The following ARHGAP6 variants were observed in gnomAD, a reference collection of about 807,000 sequenced individuals.
The protein encoded by ARHGAP6 is rho GTPase-activating protein 6.
Under a neutral mutation model 55.7 loss-of-function variants are expected in ARHGAP6, and 16 were observed. That is an observed-to-expected ratio of 0.29 (90% CI 0.19 to 0.44). The LOEUF (loss-of-function observed/expected upper bound fraction) is 0.44, where lower values mean the gene tolerates loss of function less well. ARHGAP6 is among the 20% of genes least tolerant of loss of function. The pLI, the probability that ARHGAP6 is intolerant of heterozygous loss-of-function variation, is 1.00. For synonymous variants in ARHGAP6, 382 were observed against 360.9 expected (o/e 1.06, Z -0.66); for missense variants, 698 against 808.9 (o/e 0.86, Z 1.66).
chrX:11,622,124 C>T (rs1342686429), intron 1 of ARHGAP6, among the ~76,000 whole-genome samples: 1 of 111,869 alleles, frequency 8.9e-6, no homozygotes, highest in Non-Finnish European at 1.9e-5. Context: ...ATTAAAAGAA[C>T]TATGAAAGGA....
intron 1 of ARHGAP6, among the ~76,000 whole-genome samples, chrX:11,520,416 G>C (rs1317852192): frequency 9.4e-6 from 1 of 106,256 alleles, no homozygotes; most frequent in African/African-American, 3.4e-5. Flanking sequence ...GCAGTGTTTG[G>C]TTTTTTGTCC....
Position 11,210,745 on chromosome X carries a change from C to T in ARHGAP6, c.749-13749G>A, listed in dbSNP as rs1322582459. Among the ~76,000 whole-genome samples, 4 of 112,302 alleles carry T rather than the reference C, an allele frequency of 3.6e-5. No individual in the cohort carries two copies. The East Asian group carries it at 1.1e-3, about 31-fold the overall frequency. On this transcript the variant is annotated intron_variant, in intron 2 of 12. Coordinates refer to ENST00000337414, the MANE Select transcript of ARHGAP6 (RefSeq NM_013427.3). ...AGTTATTGCGGAGTTTATGTTCCTCCAGCTTTTAAATATCATTACAAACAA... is the reference window on the plus strand; with the variant it reads ...AGTTATTGCGGAGTTTATGTTCCTCTAGCTTTTAAATATCATTACAAACAA...
chrX:11,573,574 T>C (rs1300005703), intron 1 of ARHGAP6, among the ~76,000 whole-genome samples: 1 of 110,482 alleles, frequency 9.1e-6, no homozygotes, highest in Non-Finnish European at 1.9e-5. Flanking sequence ...TACCATGCTG[T>C]TTTGGTTACT....
intron 1 of ARHGAP6, among the ~76,000 whole-genome samples, chrX:11,390,313 T>C (rs761865054): frequency 8.9e-6 from 1 of 111,822 alleles, no homozygotes; most frequent in South Asian, 3.8e-4. Context: ...AGTACCATGC[T>C]GTTTTGGTTA....
chrX:11,502,657 C>T (rs2050690830), intron 1 of ARHGAP6, among the ~76,000 whole-genome samples: 1 of 111,703 alleles, frequency 9.0e-6, no homozygotes, highest in Non-Finnish European at 1.9e-5. Flanking sequence ...GGATGATAAC[C>T]TTTATGATGA....
intron 1 of ARHGAP6, among the ~76,000 whole-genome samples, chrX:11,638,827 G>A (rs2052444075): frequency 8.9e-6 from 1 of 112,014 alleles, no homozygotes; most frequent in South Asian, 3.6e-4. Flanking sequence ...TTAAATAAGT[G>A]TATTCACTAG....
At chrX:11,544,055 T>C (rs1025157988) in intron 1 of ARHGAP6, among the ~76,000 whole-genome samples, 1 of 112,279 alleles carries the variant, frequency 8.9e-6, no homozygotes, top group African/African-American at 3.2e-5. Flanking sequence ...TTAGAAGGTA[T>C]CTTCACTCTT....
At chrX:11,462,243 T>G (rs2050252231) in intron 1 of ARHGAP6, among the ~76,000 whole-genome samples, 1 of 111,554 alleles carries the variant, frequency 9.0e-6, no homozygotes, top group Non-Finnish European at 1.9e-5. Context: ...CACATCTAAT[T>G]CTCTTTGAGA....
chrX:11,300,606 G>A (rs764911951), intron 1 of ARHGAP6: 1 of 1,194,322 alleles, frequency 8.4e-7, no homozygotes, highest in Admixed American at 2.2e-5. Flanking sequence ...ATTTTTTTCA[G>A]GATTAAAAGA....
At chrX:11,185,142 C>CTGTGTGTGTGTGTG (rs3990773) in intron 5 of ARHGAP6, among the ~76,000 whole-genome samples, 25 of 95,966 alleles carry the variant, frequency 2.6e-4, no homozygotes, top group African/African-American at 9.4e-4. Context: ...TGGTGCATGA[C>CTGTGTGTGTGTGTG]TGTGTGTGTG....
At chrX:11,413,823 C>G (rs1179943920) in intron 1 of ARHGAP6, among the ~76,000 whole-genome samples, 1 of 112,030 alleles carries the variant, frequency 8.9e-6, no homozygotes, top group Non-Finnish European at 1.9e-5. Context: ...AAAGCATTTT[C>G]CAGTGATGTA....
chrX:11,156,761 C>G (rs62590005), intron 9 of ARHGAP6, 135 bp from the exon 10 acceptor site: 33 of 482,086 alleles, frequency 6.8e-5, no homozygotes, highest in Non-Finnish European at 9.5e-5. Flanking sequence ...CTGGTTAAAA[C>G]CAAACCTACG....
intron 1 of ARHGAP6, among the ~76,000 whole-genome samples, chrX:11,329,424 C>T (rs2048535972): frequency 8.9e-6 from 1 of 112,230 alleles, no homozygotes; most frequent in East Asian, 2.8e-4. Flanking sequence ...CCATTCTTTC[C>T]CTCACCTGCC....
intron 1 of ARHGAP6, among the ~76,000 whole-genome samples, chrX:11,257,767 T>C (rs1480145140): frequency 9.0e-6 from 1 of 111,719 alleles, no homozygotes; most frequent in Admixed American, 9.5e-5. Flanking sequence ...ATTGTGGTAC[T>C]AGAAGTAAGT....
intron 1 of ARHGAP6, among the ~76,000 whole-genome samples, chrX:11,460,100 G>A (rs2050230016): frequency 9.0e-6 from 1 of 111,029 alleles, no homozygotes. Context: ...TACCTTCTGT[G>A]GCAAAGGTGA....
In ARHGAP6 at chrX:11,254,598, T is replaced by C. The variant is rs1420550321; in HGVS notation, c.698A>G (p.Tyr233Cys). The change falls in exon 2 of 13, where the codon TAT (tyrosine) becomes TGT (cysteine). Residue 233 changes from tyrosine (Y) to cysteine (C), a missense_variant. Tyr to Cys is a radical substitution (Grantham distance 194). Around this residue, in one of 3 missense-constraint regions of ARHGAP6, gnomAD observed 322 missense variants for 451.1 expected, o/e 0.71. Transcript: ENST00000337414. ...ERARLQEVAF[Y>C]QLQQDCDLSC... ...CAGGTCACAGTCCTGTTGCAACTGATAAAAAGCCACTTCCTGCAGCCGGGC... is the reference window on the plus strand; with the variant it reads ...CAGGTCACAGTCCTGTTGCAACTGACAAAAAGCCACTTCCTGCAGCCGGGC... The C allele has an allele frequency of 2.5e-6, 3 of 1,204,575 alleles. No homozygotes were observed. The highest frequency in any genetic ancestry group is 2.2e-6 in the Non-Finnish European group (2 of 894,350).
chrX:11,586,052 C>T (rs1314237761), intron 1 of ARHGAP6, among the ~76,000 whole-genome samples: 1 of 111,647 alleles, frequency 9.0e-6, no homozygotes, highest in African/African-American at 3.3e-5. Flanking sequence ...TCCCACCAGG[C>T]ACCACCTCCA....
intron 1 of ARHGAP6, among the ~76,000 whole-genome samples, chrX:11,285,400 T>C (rs1316032239): frequency 8.9e-6 from 1 of 111,769 alleles, no homozygotes. Flanking sequence ...GTAATATCCC[T>C]GATAAAAACA....
intron 1 of ARHGAP6, among the ~76,000 whole-genome samples, chrX:11,618,627 A>G (rs1417143542): frequency 8.9e-6 from 1 of 112,220 alleles, no homozygotes; most frequent in African/African-American, 3.2e-5. Flanking sequence ...TGGGGCCACA[A>G]AGAGAAATCA....
Sources: allele counts gnomAD v4.1 joint callset (sites outside exome capture counted in the v4.1 genomes callset), GRCh38; gene constraint gnomAD v4.1.1; regional missense constraint gnomAD v4.1.1; transcripts MANE v1.5; gene names NCBI Gene and HGNC (gene_info 2026-07-23, HGNC 2026-07-21).